RAB36: variants seen among roughly 807,000 people sequenced by gnomAD.
The protein encoded by RAB36 is ras-related protein Rab-36.
A neutral mutation model predicts 39.3 loss-of-function variants in RAB36; 33 were observed. That is an observed-to-expected ratio of 0.84 (90% CI 0.64 to 1.12). The LOEUF (loss-of-function observed/expected upper bound fraction) is 1.12, where lower values mean the gene tolerates loss of function less well. RAB36 is among the 50% of genes most tolerant of loss of function. The probability of loss-of-function intolerance (pLI) is 0.00; values close to 1 mark genes in which losing one functional copy is unlikely to be tolerated. For missense variants in RAB36, 308 were observed against 355.3 expected (o/e 0.87, Z 1.07); for synonymous variants, 133 against 140.2 (o/e 0.95, Z 0.36).
intron 2 of RAB36, 91 bp downstream of exon 2, chr22:23,146,776 T>G: frequency 6.6e-7 from 1 of 1,522,248 alleles, no homozygotes; most frequent in Admixed American, 2.0e-5. Flanking sequence ...GTAAAGCAGG[T>G]GAATCAAGGA....
chr22:23,151,189 C>G (rs894152573), intron 3 of RAB36, among the ~76,000 whole-genome samples: 4 of 152,140 alleles, frequency 2.6e-5, no homozygotes, highest in African/African-American at 9.7e-5. Context: ...TCAGAATAGC[C>G]GAAGTGGCCA....
intron 3 of RAB36, among the ~76,000 whole-genome samples, chr22:23,150,602 G>A (rs1389656881): frequency 6.6e-6 from 1 of 152,134 alleles, no homozygotes; most frequent in Non-Finnish European, 1.5e-5. Context: ...TGCCCAGCCA[G>A]ATGACTGGGG....
intron 5 of RAB36, chr22:23,153,692 CTTTTTTTTTTTT>C: frequency 3.7e-6 from 1 of 273,156 alleles, no homozygotes; most frequent in Non-Finnish European, 4.5e-6. Flanking sequence ...CCACTTCTGT[CTTTTTTTTTTTT>C]TTTTTTTTTT....
intron 4 of RAB36, 38 bp from the exon 5 acceptor site, chr22:23,152,995 T>A: frequency 6.9e-7 from 1 of 1,452,472 alleles, no homozygotes; most frequent in Non-Finnish European, 9.7e-7. Context: ...CACATTTCTG[T>A]GAGTACACCC....
intron 10 of RAB36, 101 bp downstream of exon 10, chr22:23,161,099 T>C: frequency 7.1e-7 from 1 of 1,401,118 alleles, no homozygotes; most frequent in Non-Finnish European, 9.7e-7. Flanking sequence ...TTCCTGAACT[T>C]GTGGCCCTCT....
At chr22:23,159,027 TC>T in intron 8 of RAB36, 48 bp downstream of exon 8, 1 of 1,596,294 alleles carries the variant, frequency 6.3e-7, no homozygotes, top group Non-Finnish European at 8.6e-7. Context: ...GGAAAATGCC[TC>T]CCCTTACAGC....
Position 23,146,624 on chromosome 22 carries a change from C to A in RAB36, c.8C>A (p.Ser3Tyr), listed in dbSNP as rs1299614177. The change falls in exon 2 of 11, where the codon TCC (serine) becomes TAC (tyrosine). Residue 3 changes from serine to tyrosine, a missense_variant. By Grantham distance (144) the Ser-to-Tyr change is moderately radical (BLOSUM62 -2). Coordinates refer to ENST00000263116, the MANE Select transcript of RAB36 (RefSeq NM_004914.5). ...CCACAGGACTGTGGAAGAATGAGGT[C>A]CTCCCTGACACCTTTGGGGCCCCCT... is the stretch of plus-strand genomic sequence containing the variant. MR[S>Y]SLTPLGPPVS... 6.2e-7 allele frequency: 1 copy of A among 1,614,052 alleles called. No individual in the cohort carries two copies. The highest frequency in any genetic ancestry group is 2.2e-5 in the East Asian group (1 of 44,880).
At chr22:23,155,672 T>C (rs978569398) in intron 5 of RAB36, among the ~76,000 whole-genome samples, 1 of 152,212 alleles carries the variant, frequency 6.6e-6, no homozygotes, top group Non-Finnish European at 1.5e-5. Context: ...TGTTCCATTT[T>C]AATGTCTCAG....
At chr22:23,148,897 T>C (rs1362495248) in intron 2 of RAB36, among the ~76,000 whole-genome samples, 1 of 152,230 alleles carries the variant, frequency 6.6e-6, no homozygotes, top group Admixed American at 6.5e-5. Context: ...GAAAGTAGAC[T>C]ATCAGGCTAA....
At chr22:23,168,246 T>A (rs1481310492), downstream of RAB36, among the ~76,000 whole-genome samples, 1 of 152,146 alleles carries the variant, frequency 6.6e-6, no homozygotes, top group Non-Finnish European at 1.5e-5. Flanking sequence ...CAGGCAGGGC[T>A]AGACTGGGAG....
chr22:23,146,003 G>A (rs1290280246), intron 1 of RAB36: 3 of 985,202 alleles, frequency 3.0e-6, no homozygotes, highest in Non-Finnish European at 3.6e-6. Flanking sequence ...CACTGCCTGA[G>A]CTGTGCCATG....
At chr22:23,161,142 T>C (rs767917028) in intron 10 of RAB36, 144 bp downstream of exon 10, 49 of 1,042,148 alleles carry the variant, frequency 4.7e-5, no homozygotes, top group Admixed American at 3.7e-4. Context: ...AGGGTGTCAC[T>C]GCAGCCTCAG....
intron 4 of RAB36, 39 bp from the exon 5 acceptor site, chr22:23,152,994 G>T: frequency 6.9e-7 from 1 of 1,447,666 alleles, no homozygotes; most frequent in Non-Finnish European, 9.7e-7. Flanking sequence ...GCACATTTCT[G>T]TGAGTACACC....
At chr22:23,151,182 G>C (rs1249728613) in intron 3 of RAB36, among the ~76,000 whole-genome samples, 4 of 152,232 alleles carry the variant, frequency 2.6e-5, no homozygotes, top group Non-Finnish European at 2.9e-5. Flanking sequence ...GCTGAGATCA[G>C]AATAGCCGAA....
At chr22:23,152,185 G>A (rs551717303) in intron 3 of RAB36, among the ~76,000 whole-genome samples, 2 of 152,170 alleles carry the variant, frequency 1.3e-5, no homozygotes, top group Admixed American at 6.5e-5. Context: ...CCTGTGACTC[G>A]GCCTCTTGTT....
rs1374209243 is a variant in RAB36, at chr22:23,164,610, A to G, written c.*3046A>G. On this transcript the variant is annotated 3_prime_UTR_variant, in exon 11 of 11. Coordinates refer to ENST00000263116, the MANE Select transcript of RAB36 (RefSeq NM_004914.5). ...GGCAGTAAGTTTCCTGGGCAGAGGC[A>G]CTTTCTGTTGGTCTGGTCTTGTGGG... Among the ~76,000 whole-genome samples, 1 of 152,102 alleles carries G rather than the reference A, an allele frequency of 6.6e-6. No individual in the cohort carries two copies. Among genetic ancestry groups the G allele is most frequent in the Non-Finnish European group, 1.5e-5 (1 of 68,012 alleles).
intron 2 of RAB36, among the ~76,000 whole-genome samples, chr22:23,148,148 C>A (rs2283804): frequency 0.39 from 59,680 of 151,762 alleles, 12,360 homozygotes; most frequent in East Asian, 0.61. Context: ...GTATGTGGCT[C>A]TTCCTCCTTC....
intron 2 of RAB36, 35 bp from the exon 3 acceptor site, chr22:23,150,028 C>T (rs1228508053): frequency 6.6e-7 from 1 of 1,522,746 alleles, no homozygotes; most frequent in Non-Finnish European, 9.0e-7. Context: ...CACAGCTTTG[C>T]AGGATGATGT....
rs754612526 is a variant in RAB36 at position 23,159,113 on chromosome 22, TC to T, written c.529-47del. On this transcript the variant is annotated intron_variant, in intron 8 of 10. Coordinates refer to ENST00000263116, the MANE Select transcript of RAB36 (RefSeq NM_004914.5). Reference sequence around the variant, plus strand: ...AGGCAGCTGCCTATCCCCCTGGGCCTCCCTGCAGGAGAGCCGGGACGCTGGG... The same window carrying T: ...AGGCAGCTGCCTATCCCCCTGGGCCTCCTGCAGGAGAGCCGGGACGCTGGG... 3.6e-5 allele frequency: 57 copies of T among 1,600,882 alleles called. No individual in the cohort carries two copies. In the South Asian group the frequency reaches 4.9e-4, roughly 14 times the overall value.
Sources: allele counts gnomAD v4.1 joint callset (sites outside exome capture counted in the v4.1 genomes callset), GRCh38; gene constraint gnomAD v4.1.1; transcripts MANE v1.5; gene names NCBI Gene and HGNC (gene_info 2026-07-23, HGNC 2026-07-21).